FARS2: variants seen among roughly 807,000 people sequenced by gnomAD.
FARS2 encodes the protein phenylalanine--tRNA ligase, mitochondrial.
A neutral mutation model predicts 46.4 loss-of-function variants in FARS2; 40 were observed. The observed-to-expected ratio is 0.86, with a 90% confidence interval of 0.67 to 1.12. FARS2 has a LOEUF of 1.12. Among genes scored for constraint, FARS2 ranks in the 50% most tolerant of loss-of-function variants. The probability of loss-of-function intolerance (pLI) is 0.00; values close to 1 mark genes in which losing one functional copy is unlikely to be tolerated. For missense variants in FARS2, 513 were observed against 567.9 expected (o/e 0.90, Z 0.98); for synonymous variants, 234 against 214.9 (o/e 1.09, Z -0.78).
intron 6 of FARS2, among the ~76,000 whole-genome samples, chr6:5,688,010 T>C (rs1337813068): frequency 1.3e-5 from 2 of 152,236 alleles, no homozygotes; most frequent in Non-Finnish European, 2.9e-5. Flanking sequence ...TTGTCTGTTA[T>C]TGGTGCATAA....
chr6:5,340,511 C>T (rs1002629642), intron 1 of FARS2, among the ~76,000 whole-genome samples: 22 of 151,950 alleles, frequency 1.4e-4, no homozygotes, highest in Admixed American at 3.3e-4. Context: ...TACACGAGCC[C>T]GTAAAGTTTG....
rs559497844 is a variant in FARS2, at chr6:5,478,745, C to T, written c.904+47573C>T. On this transcript the variant is annotated intron_variant, in intron 4 of 6. Coordinates refer to ENST00000274680, the MANE Select transcript of FARS2 (RefSeq NM_006567.5). The stretch of plus-strand genomic sequence containing the variant: ...TGGCTTCCCCCAAATTAGTGCTCTT[C>T]GGGCTGTGTATACCTAGTCTGAGCT... Among the ~76,000 whole-genome samples the T allele has an allele frequency of 5.9e-5, 9 of 152,198 alleles. No individual in the cohort carries two copies. In the East Asian group the frequency reaches 7.8e-4, roughly 13 times the overall value.
At chr6:5,705,785 C>T (rs1758718734) in intron 6 of FARS2, among the ~76,000 whole-genome samples, 1 of 152,178 alleles carries the variant, frequency 6.6e-6, no homozygotes, top group South Asian at 2.1e-4. Flanking sequence ...TGTGCCTCCC[C>T]ATTCTCCACT....
intron 6 of FARS2, among the ~76,000 whole-genome samples, chr6:5,691,094 T>C (rs893785290): frequency 6.6e-6 from 1 of 151,922 alleles, no homozygotes; most frequent in African/African-American, 2.4e-5. Flanking sequence ...ATTCATCTAA[T>C]TTTTTTTCAA....
intron 4 of FARS2, among the ~76,000 whole-genome samples, chr6:5,491,385 A>G (rs913093970): frequency 9.2e-5 from 14 of 152,180 alleles, no homozygotes; most frequent in African/African-American, 3.4e-4. Context: ...TGCTGTGCAG[A>G]ATTAAGTAAG....
intron 4 of FARS2, chr6:5,431,521 A>G (rs1012101877): frequency 4.8e-6 from 2 of 415,398 alleles, no homozygotes; most frequent in Admixed American, 5.8e-5. Context: ...CAGACTATTT[A>G]AGAACAAAGA....
intron 6 of FARS2, among the ~76,000 whole-genome samples, chr6:5,627,091 G>A (rs1359575522): frequency 1.3e-5 from 2 of 152,218 alleles, no homozygotes; most frequent in Non-Finnish European, 2.9e-5. Context: ...GTTGCTCTGT[G>A]ACTTTACACT....
chr6:5,299,100 G>T (rs1263020563), intron 1 of FARS2, among the ~76,000 whole-genome samples: 1 of 152,156 alleles, frequency 6.6e-6, no homozygotes, highest in Non-Finnish European at 1.5e-5. Flanking sequence ...CGTTTTGGAA[G>T]ATAAAGAGCA....
At chr6:5,437,061 C>T (rs78569722) in intron 4 of FARS2, among the ~76,000 whole-genome samples, 4,136 of 152,198 alleles carry the variant, frequency 0.027, 88 homozygotes, top group Non-Finnish European at 0.041. Context: ...GTAATCTGTT[C>T]CTCCACCCAT....
chr6:5,279,316 G>T (rs1245153274), intron 1 of FARS2, among the ~76,000 whole-genome samples: 1 of 146,620 alleles, frequency 6.8e-6, no homozygotes, highest in East Asian at 2.0e-4. Context: ...GGCGGAGGTT[G>T]CAGTGAGCCG....
intron 4 of FARS2, among the ~76,000 whole-genome samples, chr6:5,505,775 G>C (rs983804299): frequency 6.6e-6 from 1 of 152,150 alleles, no homozygotes; most frequent in Admixed American, 6.5e-5. Context: ...AACAGAAAAG[G>C]AAGACAGCAG....
At chr6:5,297,577 G>T (rs921517929) in intron 1 of FARS2, among the ~76,000 whole-genome samples, 8 of 152,216 alleles carry the variant, frequency 5.3e-5, no homozygotes, top group Middle Eastern at 6.8e-3. Flanking sequence ...GAACCCAGGA[G>T]GCGGAGGTTG....
At chr6:5,345,699 C>T (rs918179807) in intron 1 of FARS2, among the ~76,000 whole-genome samples, 5 of 152,178 alleles carry the variant, frequency 3.3e-5, no homozygotes, top group Non-Finnish European at 7.3e-5. Context: ...AGGAAAGTGG[C>T]TTGAACTTTA....
chr6:5,560,882 ACT>A (rs1373677890), intron 5 of FARS2, among the ~76,000 whole-genome samples: 1 of 152,040 alleles, frequency 6.6e-6, no homozygotes, highest in African/African-American at 2.4e-5. Context: ...TAATCCCAAC[ACT>A]CTGGGGGACA....
rs773981175 is a variant in FARS2 at position 5,415,310 on chromosome 6, C to CTTTTT, written c.772+10627_772+10631dup. Among the ~76,000 whole-genome samples, 70 of 53,638 alleles carry CTTTTT rather than the reference C, an allele frequency of 1.3e-3. 1 individual carries two copies. Among genetic ancestry groups the CTTTTT allele is most frequent in the African/African-American group, 3.2e-3 (46 of 14,464 alleles). The allele number at this position is 53,638 out of a possible 152,430, so 35.2% of individuals were successfully genotyped here. ...TTTAATTTGTATTTTCTTTTCTTTT[C>CTTTTT]TTTTTTTTTTTTTTTTTTTTTTGAG... On this transcript the variant is annotated intron_variant, in intron 3 of 6. Transcript: ENST00000274680.
intron 5 of FARS2, among the ~76,000 whole-genome samples, chr6:5,599,994 G>A (rs1774419643): frequency 6.6e-6 from 1 of 152,042 alleles, no homozygotes; most frequent in African/African-American, 2.4e-5. Flanking sequence ...ATGCAAATGG[G>A]CTCTTACTCC....
At chr6:5,285,823 G>T (rs1014403610) in intron 1 of FARS2, among the ~76,000 whole-genome samples, 1 of 152,214 alleles carries the variant, frequency 6.6e-6, no homozygotes, top group Non-Finnish European at 1.5e-5. Context: ...GAGGCCTCGC[G>T]GCATTCCCTG....
At chr6:5,506,916 A>G (rs1035371710) in intron 4 of FARS2, among the ~76,000 whole-genome samples, 6 of 152,234 alleles carry the variant, frequency 3.9e-5, no homozygotes, top group African/African-American at 1.2e-4. Flanking sequence ...GAGGCTAACC[A>G]TATATTTAAA....
intron 3 of FARS2, among the ~76,000 whole-genome samples, chr6:5,412,255 C>T (rs1289424761): frequency 1.3e-5 from 2 of 152,210 alleles, no homozygotes; most frequent in Non-Finnish European, 1.5e-5. Flanking sequence ...CAAAGACATG[C>T]CCTTCCTGGG....
Sources: gnomAD v4.1 joint callset for allele counts (sites outside exome capture counted in the v4.1 genomes callset) on GRCh38, gnomAD v4.1.1 for gene constraint, MANE v1.5 for transcripts, NCBI Gene and HGNC (gene_info 2026-07-23, HGNC 2026-07-21) for gene names.